The following SLF1 variants were observed in gnomAD, a reference collection of about 807,000 sequenced individuals.
The protein encoded by SLF1 is SMC5/6 complex localization factor 1, also known as SMC5-SMC6 complex localization factor protein 1.
SLF1 carries 105 observed loss-of-function variants against 123.0 expected under a neutral mutation model. The observed-to-expected ratio is 0.85, with a 90% CI of 0.73 to 1.00. The LOEUF (loss-of-function observed/expected upper bound fraction) is 1.00. Among genes scored for constraint, SLF1 ranks in the 50% least tolerant of loss-of-function variants. The pLI is 0.00. For synonymous variants in SLF1, 434 were observed against 406.6 expected (o/e 1.07, Z -0.81); for missense variants, 1,239 against 1,223.0 (o/e 1.01, Z -0.20).
Position 94,692,251 on chromosome 5 carries a change from A to C in SLF1, c.2690A>C (p.His897Pro). The C allele has an allele frequency of 6.2e-7, 1 of 1,613,288 alleles. No homozygotes were observed. The stretch of plus-strand genomic sequence containing the variant: ...GAAATTGGCAAGCTGCTACTACAGC[A>C]TGGGGGTGAGTGTGTTTATGCTAAA... ...HVEIGKLLLQ[H>P]GGPVLLQQRN... Residue 897 changes from histidine (H) to proline (P), a missense_variant, in exon 20 of 21, where the codon CAT (histidine) becomes CCT (proline). Coordinates refer to ENST00000265140, the MANE Select transcript of SLF1 (RefSeq NM_032290.4).
intron 13 of SLF1, 107 bp from the exon 14 acceptor site, chr5:94,670,736 G>A: frequency 1.3e-6 from 1 of 751,808 alleles, no homozygotes; most frequent in Non-Finnish European, 2.1e-6. Flanking sequence ...TATATTTTAT[G>A]ATCTATGTTC....
In SLF1 at chr5:94,663,912, A is replaced by G. The variant is rs1749429694; in HGVS notation, c.1368+4A>G. The G allele has an allele frequency of 4.0e-6, 6 of 1,506,082 alleles. No individual in the cohort carries two copies. The highest frequency in any genetic ancestry group is 3.5e-6 in the Non-Finnish European group (4 of 1,131,676). 93.3% of individuals were successfully genotyped at this position (1,506,082 alleles called of 1,614,324 possible). A position where few individuals can be genotyped will look rare whatever the true frequency, so the allele number is the denominator to read the frequency against. ...CCTTCTAGAGAACGTTCTACAGGTA[A>G]GAGCAGCCTTAAGGATTTATAATCT... On this transcript the variant is annotated splice_donor_region_variant and intron_variant, in intron 11 of 20. Coordinates refer to ENST00000265140, the MANE Select transcript of SLF1 (RefSeq NM_032290.4).
intron 6 of SLF1, among the ~76,000 whole-genome samples, chr5:94,650,581 G>A (rs1585149331): frequency 6.6e-6 from 1 of 152,164 alleles, no homozygotes; most frequent in African/African-American, 2.4e-5. Flanking sequence ...AACCAGGATG[G>A]TCTCCATCTC....
Position 94,649,584 on chromosome 5 carries a change from T to C in SLF1, c.725T>C (p.Met242Thr). Residue 242 changes from methionine (M) to threonine (T), a missense_variant, in exon 6 of 21, where the codon ATG becomes ACG. Physicochemically the swap from Met to Thr is moderately conservative, Grantham distance 81. Transcript: ENST00000265140. ...LEMKGALRET[M>T]YRTQKEMQNH... ...ATGAAAGGTGCCTTAAGAGAGACCA[T>C]GTATAGAACCCAGGTAAACTTTATA... 6.7e-7 allele frequency: 1 copy of C among 1,498,108 alleles called. No individual in the cohort carries two copies. The highest frequency in any genetic ancestry group is 9.0e-7 in the Non-Finnish European group (1 of 1,113,056). 92.8% of individuals were successfully genotyped at this position (1,498,108 alleles called of 1,614,324 possible).
chr5:94,665,729 G>A (rs930737289), intron 11 of SLF1, 132 bp from the exon 12 acceptor site: 1 of 801,844 alleles, frequency 1.2e-6, no homozygotes, highest in Non-Finnish European at 1.9e-6. Flanking sequence ...CTCCAGCCTG[G>A]GTGACAGAGC....
At chr5:94,671,506 A>G (rs1226610667) in intron 14 of SLF1, among the ~76,000 whole-genome samples, 1 of 151,856 alleles carries the variant, frequency 6.6e-6, no homozygotes, top group Non-Finnish European at 1.5e-5. Context: ...CTCAAGGATA[A>G]TAGCGTATAT....
Position 94,651,684 on chromosome 5 carries a change from A to G in SLF1, c.739-18A>G. The G allele has an allele frequency of 6.6e-7, 1 of 1,507,330 alleles. No homozygotes were observed. Among genetic ancestry groups the G allele is most frequent in the Non-Finnish European group, 8.9e-7 (1 of 1,127,986 alleles). The allele number at this position is 1,507,330 out of a possible 1,614,324, so 93.4% of individuals were successfully genotyped here. On this transcript the variant is annotated intron_variant, in intron 6 of 20. Transcript: ENST00000265140. ...TTTAATCCACAGTCTTAACTAAATTATGTTTACAAACACGCAGAAAGAAAT... is the reference window on the plus strand; with the variant it reads ...TTTAATCCACAGTCTTAACTAAATTGTGTTTACAAACACGCAGAAAGAAAT...
chr5:94,690,353 T>A (rs1365129757), intron 18 of SLF1, among the ~76,000 whole-genome samples: 2 of 152,214 alleles, frequency 1.3e-5, no homozygotes, highest in Non-Finnish European at 2.9e-5. Flanking sequence ...TATATTTCAA[T>A]GTGATATAAG....
At chr5:94,627,712 C>A (rs1428239313) in intron 1 of SLF1, among the ~76,000 whole-genome samples, 2 of 149,024 alleles carry the variant, frequency 1.3e-5, no homozygotes, top group African/African-American at 4.9e-5. Context: ...GTTCTATTAA[C>A]TTCTCCAGTA....
intron 12 of SLF1, among the ~76,000 whole-genome samples, chr5:94,666,738 G>A (rs545300351): frequency 1.7e-4 from 26 of 152,304 alleles, no homozygotes; most frequent in African/African-American, 6.0e-4. Context: ...CCAGGCTCAA[G>A]CAATTCTTAT....
chr5:94,687,055 C>T (rs1446074409), intron 16 of SLF1, among the ~76,000 whole-genome samples: 6 of 152,204 alleles, frequency 3.9e-5, no homozygotes, highest in Non-Finnish European at 7.3e-5. Flanking sequence ...TGAGCCACCA[C>T]GCCTGGCCCA....
intron 5 of SLF1, 88 bp downstream of exon 5, chr5:94,643,523 T>G (rs1165350541): frequency 1.0e-6 from 1 of 1,004,134 alleles, no homozygotes; most frequent in Non-Finnish European, 1.3e-6. Flanking sequence ...ATTAAAGTTG[T>G]GTTCTAAATT....
chr5:94,675,001 C>T (rs1012447531), intron 14 of SLF1, among the ~76,000 whole-genome samples: 10 of 152,218 alleles, frequency 6.6e-5, no homozygotes, highest in Admixed American at 1.3e-4. Context: ...GGCCAAGTCT[C>T]CACTGCACCA....
chr5:94,676,683 G>GC, intron 14 of SLF1, among the ~76,000 whole-genome samples: 1 of 152,360 alleles, frequency 6.6e-6, no homozygotes, highest in Non-Finnish European at 1.5e-5. Context: ...GCAGTATGCT[G>GC]CCCTTGATGT....
intron 19 of SLF1, 88 bp downstream of exon 19, chr5:94,691,744 A>T: frequency 9.6e-7 from 1 of 1,040,620 alleles, no homozygotes. Flanking sequence ...AAATTATTTA[A>T]GTAAATTTAC....
chr5:94,672,299 CTT>C (rs1750557287), intron 14 of SLF1, among the ~76,000 whole-genome samples: 1 of 152,076 alleles, frequency 6.6e-6, no homozygotes, highest in Non-Finnish European at 1.5e-5. Context: ...TCTATTCTGT[CTT>C]AACAAAAATG....
Position 94,630,737 on chromosome 5 carries a change from T to C in SLF1, c.425T>C (p.Leu142Pro). Residue 142 changes from leucine (L) to proline (P), a missense_variant, in exon 4 of 21, where the codon CTT (leucine) becomes CCT (proline). Transcript: ENST00000265140. ...AGAACTGATAAGCGAAGTGATTCTC[T>C]TATAAGGTAGGATGTGATTACATAA... ...LVRTDKRSDS[L>P]IRVLEAGKAN... 6.4e-7 allele frequency: 1 copy of C among 1,551,002 alleles called. No homozygotes were observed. The highest frequency in any genetic ancestry group is 8.7e-7 in the Non-Finnish European group (1 of 1,146,504).
chr5:94,620,700 TC>T (rs991130950), intron 1 of SLF1, among the ~76,000 whole-genome samples: 4 of 152,186 alleles, frequency 2.6e-5, no homozygotes, highest in African/African-American at 9.6e-5. Flanking sequence ...TGAGACATCA[TC>T]TGTTACTCTT....
chr5:94,691,554 T>C lies in SLF1; in HGVS notation c.2420-10T>C, dbSNP rs1279115735. The stretch of plus-strand genomic sequence containing the variant: ...CTTCTCTGGAATAATCTATTAATTT[T>C]TTATGGCAGGAGAAACAGCCCTGCA... On this transcript the variant is annotated splice_polypyrimidine_tract_variant and intron_variant, in intron 18 of 20. Transcript: ENST00000265140. 2.5e-6 allele frequency: 4 copies of C among 1,602,288 alleles called. No homozygotes were observed. Among genetic ancestry groups the C allele is most frequent in the Non-Finnish European group, 2.6e-6 (3 of 1,174,334 alleles).
Sources: allele counts gnomAD v4.1 joint callset (sites outside exome capture counted in the v4.1 genomes callset), GRCh38; gene constraint gnomAD v4.1.1; transcripts MANE v1.5; gene names NCBI Gene and HGNC (gene_info 2026-07-23, HGNC 2026-07-21).